Variants in RIMS2 observed in about 807,000 individuals in gnomAD.
RIMS2 encodes the protein regulating synaptic membrane exocytosis protein 2.
A neutral mutation model predicts 174.4 loss-of-function variants in RIMS2; 59 were observed. That is an observed-to-expected ratio of 0.34 (90% CI 0.27 to 0.42). The LOEUF (loss-of-function observed/expected upper bound fraction) is 0.42. Among genes scored for constraint, RIMS2 ranks in the 10% least tolerant of loss-of-function variants. The pLI, the probability that RIMS2 is intolerant of heterozygous loss-of-function variation, is 1.00. For synonymous variants in RIMS2, 606 were observed against 572.5 expected (o/e 1.06, Z -0.84); for missense variants, 1,620 against 1,666.3 (o/e 0.97, Z 0.48).
At chr8:103,609,035 T>G (rs536826983) in intron 1 of RIMS2, among the ~76,000 whole-genome samples, 3 of 152,322 alleles carry the variant, frequency 2.0e-5, no homozygotes, top group Non-Finnish European at 4.4e-5. Flanking sequence ...TTTGACTTTT[T>G]AATAATATCT....
intron 4 of RIMS2, among the ~76,000 whole-genome samples, chr8:103,890,805 T>C (rs1436615381): frequency 6.6e-6 from 1 of 151,902 alleles, no homozygotes; most frequent in Non-Finnish European, 1.5e-5. Flanking sequence ...AATATATTTT[T>C]TCATAGCCTT....
Position 103,694,776 on chromosome 8 carries a change from T to A in RIMS2, c.177-2310T>A, listed in dbSNP as rs190267608. 6.6e-5 allele frequency among the ~76,000 whole-genome samples: 10 copies of A among 152,300 alleles called. No homozygotes were observed. In the East Asian group the frequency reaches 1.9e-3, roughly 29 times the overall value. Reference sequence around the variant, plus strand: ...GATGATTGAACTGCAGGGCCTGGCCTGATACTGGGTTGTGCCTGAAGCCTG... The same window carrying A: ...GATGATTGAACTGCAGGGCCTGGCCAGATACTGGGTTGTGCCTGAAGCCTG... On this transcript the variant is annotated intron_variant, in intron 1 of 23. Transcript: ENST00000504942.
chr8:104,125,206 T>A (rs1307992599), intron 19 of RIMS2, among the ~76,000 whole-genome samples: 1 of 152,144 alleles, frequency 6.6e-6, no homozygotes, highest in Non-Finnish European at 1.5e-5. Flanking sequence ...AAAGTAAGTG[T>A]CTGTATGTTC....
At chr8:103,639,432 G>T (rs560992539) in intron 1 of RIMS2, among the ~76,000 whole-genome samples, 1 of 151,848 alleles carries the variant, frequency 6.6e-6, no homozygotes, top group East Asian at 1.9e-4. Flanking sequence ...AAATTTCCTT[G>T]TGTGACTTTT....
intron 2 of RIMS2, among the ~76,000 whole-genome samples, chr8:103,702,901 C>T (rs1590715619): frequency 8.7e-6 from 1 of 115,528 alleles, no homozygotes; most frequent in Non-Finnish European, 1.8e-5. Flanking sequence ...CTTTGGCTAT[C>T]TAGCATCTTT....
intron 1 of RIMS2, among the ~76,000 whole-genome samples, chr8:103,578,294 C>G (rs1211318884): frequency 6.6e-6 from 1 of 152,106 alleles, no homozygotes; most frequent in Non-Finnish European, 1.5e-5. Context: ...CTTTGGGAGG[C>G]CGAGGCAGGT....
chr8:104,192,306 T>G (rs2136429225), intron 19 of RIMS2, among the ~76,000 whole-genome samples: 1 of 152,236 alleles, frequency 6.6e-6, no homozygotes, highest in African/African-American at 2.4e-5. Context: ...GTCTGAATTA[T>G]TTTGTAGTAA....
At chr8:104,144,875 T>C (rs2098619537) in intron 19 of RIMS2, among the ~76,000 whole-genome samples, 1 of 152,198 alleles carries the variant, frequency 6.6e-6, no homozygotes, top group Non-Finnish European at 1.5e-5. Flanking sequence ...GGAAAAACTC[T>C]GGGATTTGAA....
At chr8:104,056,977 T>C (rs1256221503) in intron 19 of RIMS2, among the ~76,000 whole-genome samples, 1 of 152,120 alleles carries the variant, frequency 6.6e-6, no homozygotes, top group African/African-American at 2.4e-5. Flanking sequence ...GTCAACTCTG[T>C]GGTGGTTACT....
chr8:103,943,886 A>G (rs997365634), intron 14 of RIMS2, among the ~76,000 whole-genome samples: 9 of 152,214 alleles, frequency 5.9e-5, no homozygotes, highest in African/African-American at 2.2e-4. Context: ...ATAAACACAA[A>G]TGCCATGTCA....
intron 1 of RIMS2, among the ~76,000 whole-genome samples, chr8:103,603,551 T>A (rs1406904078): frequency 6.6e-6 from 1 of 152,190 alleles, no homozygotes; most frequent in Non-Finnish European, 1.5e-5. Context: ...TTTCTAGTTC[T>A]GGATCCCTGA....
chr8:103,552,649 T>C (rs1848551486), intron 1 of RIMS2, among the ~76,000 whole-genome samples: 1 of 151,254 alleles, frequency 6.6e-6, no homozygotes, highest in East Asian at 1.9e-4. Context: ...CACTACAGAG[T>C]GAACAGGCAA....
chr8:103,589,358 CAAATGA>C (rs1245576797), intron 1 of RIMS2, among the ~76,000 whole-genome samples: 1 of 151,442 alleles, frequency 6.6e-6, no homozygotes, highest in Admixed American at 6.6e-5. Context: ...CAGAGAAATG[CAAATGA>C]AAACTATAGT....
At chr8:103,813,023 G>A (rs1017941081) in intron 3 of RIMS2, among the ~76,000 whole-genome samples, 8 of 152,152 alleles carry the variant, frequency 5.3e-5, no homozygotes, top group Non-Finnish European at 1.2e-4. Flanking sequence ...TTAAGAAAAG[G>A]AAGAATTCCT....
chr8:103,688,177 T>C (rs981794762), intron 1 of RIMS2, among the ~76,000 whole-genome samples: 4 of 152,142 alleles, frequency 2.6e-5, no homozygotes, highest in African/African-American at 9.7e-5. Flanking sequence ...TTCTTCTTGA[T>C]CTTAGAGGAA....
chr8:103,872,143 T>C (rs1350991983), intron 3 of RIMS2, among the ~76,000 whole-genome samples: 1 of 152,218 alleles, frequency 6.6e-6, no homozygotes, highest in Non-Finnish European at 1.5e-5. Context: ...GAGTTTAAGC[T>C]ACCAATGTGA....
intron 17 of RIMS2, among the ~76,000 whole-genome samples, chr8:103,989,992 G>A (rs1348363703): frequency 1.3e-5 from 2 of 152,078 alleles, no homozygotes; most frequent in Non-Finnish European, 2.9e-5. Flanking sequence ...TCCATTAAAT[G>A]TCACAAACTT....
intron 13 of RIMS2, among the ~76,000 whole-genome samples, chr8:103,939,648 T>G (rs1304923431): frequency 6.6e-6 from 1 of 152,236 alleles, no homozygotes; most frequent in Non-Finnish European, 1.5e-5. Context: ...AATGGGATTT[T>G]CTTTTCTATC....
chr8:103,719,759 C>T (rs556729602), intron 2 of RIMS2, among the ~76,000 whole-genome samples: 3 of 152,056 alleles, frequency 2.0e-5, no homozygotes, highest in Non-Finnish European at 2.9e-5. Flanking sequence ...TATTTTCTCA[C>T]AGGCCAGAAC....
Sources: allele counts gnomAD v4.1 joint callset (sites outside exome capture counted in the v4.1 genomes callset), GRCh38; gene constraint gnomAD v4.1.1; transcripts MANE v1.5; gene names NCBI Gene and HGNC (gene_info 2026-07-23, HGNC 2026-07-21).